The following TCEAL7 variants were observed in gnomAD, a reference collection of about 807,000 sequenced individuals.
TCEAL7 encodes the protein transcription elongation factor A protein-like 7.
For missense variants in TCEAL7, 63 were observed against 77.9 expected (o/e 0.81, Z 0.72); for synonymous variants, 22 against 25.5 (o/e 0.86, Z 0.42).
At chrX:103,330,550 T>C (rs1267263207) in intron 1 of TCEAL7, among the ~76,000 whole-genome samples, 2 of 112,070 alleles carry the variant, frequency 1.8e-5, no homozygotes, top group African/African-American at 6.5e-5. Context: ...GCATGCTTTC[T>C]TTTTATCCTT....
At chrX:103,330,643 G>A (rs1926495048) in intron 1 of TCEAL7, among the ~76,000 whole-genome samples, 1 of 111,070 alleles carries the variant, frequency 9.0e-6, no homozygotes, top group South Asian at 3.9e-4. Context: ...CTGAAATCCC[G>A]GGATGGAGAC....
intron 1 of TCEAL7, among the ~76,000 whole-genome samples, chrX:103,330,719 T>C (rs745965960): frequency 5.8e-4 from 61 of 104,753 alleles, no homozygotes; most frequent in African/African-American, 2.0e-3. Context: ...GGTGGTGGGG[T>C]GGGGCGCGGG....
rs1926536376 is a variant in TCEAL7 at position 103,332,299 on chromosome X, A to C, written c.*593A>C. ...AATTACCTCTGGATCTCTTAGCCAGAGTAATAAACTGGTAATTATTACAGA... is the reference window on the plus strand; with the variant it reads ...AATTACCTCTGGATCTCTTAGCCAGCGTAATAAACTGGTAATTATTACAGA... On this transcript the variant is annotated 3_prime_UTR_variant, in exon 3 of 3. Coordinates refer to ENST00000332431, the MANE Select transcript of TCEAL7 (RefSeq NM_152278.5). 2.4e-5 allele frequency: 3 copies of C among 123,769 alleles called. No homozygotes were observed. The highest frequency in any genetic ancestry group is 5.6e-5 in the Non-Finnish European group (3 of 53,406). The allele number at this position is 123,769 out of a possible 1,213,427, so 10.2% of individuals were successfully genotyped here. A position where few individuals can be genotyped will look rare whatever the true frequency, so the allele number is the denominator to read the frequency against.
chrX:103,331,876 C>A lies in TCEAL7; in HGVS notation c.*170C>A. ...TCTCATCTTTTGACCCAATCTTATTCATTTAATAAGAGGTCTCATTCATTT... is the reference window on the plus strand; with the variant it reads ...TCTCATCTTTTGACCCAATCTTATTAATTTAATAAGAGGTCTCATTCATTT... On this transcript the variant is annotated 3_prime_UTR_variant, in exon 3 of 3. Transcript: ENST00000332431. 2 of 439,175 alleles carry A rather than the reference C, an allele frequency of 4.6e-6. No individual in the cohort carries two copies. The highest frequency in any genetic ancestry group is 7.8e-6 in the Non-Finnish European group (2 of 254,803). 36.2% of individuals were successfully genotyped at this position (439,175 alleles called of 1,213,427 possible). A position where few individuals can be genotyped will look rare whatever the true frequency, so the allele number is the denominator to read the frequency against.
rs1926524580 is a variant in TCEAL7 at position 103,331,846 on chromosome X, C to T, written c.*140C>T. The T allele has an allele frequency of 2.1e-6, 1 of 483,567 alleles. No individual in the cohort carries two copies. The allele number at this position is 483,567 out of a possible 1,213,427, so 39.9% of individuals were successfully genotyped here. A position where few individuals can be genotyped will look rare whatever the true frequency, so the allele number is the denominator to read the frequency against. On this transcript the variant is annotated 3_prime_UTR_variant, in exon 3 of 3. Coordinates refer to ENST00000332431, the MANE Select transcript of TCEAL7 (RefSeq NM_152278.5). ...GCTGAGATTTACATATGACTCTTGT[C>T]AACATCTCATCTTTTGACCCAATCT...
intron 1 of TCEAL7, among the ~76,000 whole-genome samples, chrX:103,330,620 G>A (rs1281320447): frequency 9.0e-6 from 1 of 111,357 alleles, no homozygotes; most frequent in African/African-American, 3.3e-5. Flanking sequence ...ATGTGTTGGT[G>A]TGTGGAGAAA....
Position 103,331,820 on chromosome X carries a change from T to C in TCEAL7, c.*114T>C. 2 of 593,124 alleles carry C rather than the reference T, an allele frequency of 3.4e-6. No individual in the cohort carries two copies. Among genetic ancestry groups the C allele is most frequent in the Non-Finnish European group, 5.3e-6 (2 of 380,623 alleles). The allele number at this position is 593,124 out of a possible 1,213,427, so 48.9% of individuals were successfully genotyped here. A position where few individuals can be genotyped will look rare whatever the true frequency, so the allele number is the denominator to read the frequency against. On this transcript the variant is annotated 3_prime_UTR_variant, in exon 3 of 3. Coordinates refer to ENST00000332431, the MANE Select transcript of TCEAL7 (RefSeq NM_152278.5). ...TCGTTTTACTCCAGTCATTCGATGT[T>C]GCTGAGATTTACATATGACTCTTGT...
intron 1 of TCEAL7, among the ~76,000 whole-genome samples, chrX:103,330,604 TG>T (rs778777228): frequency 2.2e-4 from 25 of 111,417 alleles, no homozygotes; most frequent in Non-Finnish European, 4.5e-4. Flanking sequence ...ATTTTAGGCC[TG>T]GGGTATGTGT....
In TCEAL7 at chrX:103,331,420, A is replaced by G. The variant is rs1178487267; in HGVS notation, c.17A>G (p.Lys6Arg). ...AACAACATCATGCAAAAACCCTGCA[A>G]AGAAAACGAAGGAAAGCCAAAGTGC... MQKPC[K>R]ENEGKPKCSV... The change falls in exon 3 of 3, where the codon AAA (lysine) becomes AGA (arginine). Residue 6 changes from lysine (K) to arginine (R), a missense_variant. Coordinates refer to ENST00000332431, the MANE Select transcript of TCEAL7 (RefSeq NM_152278.5). 3 of 1,180,744 alleles carry G rather than the reference A, an allele frequency of 2.5e-6. No individual in the cohort carries two copies. The highest frequency in any genetic ancestry group is 5.0e-5 in the Admixed American group (2 of 39,691).
At position 103,331,797 on chromosome X, in the gene TCEAL7, G is replaced by A. The variant is rs1427708473; in HGVS notation, c.*91G>A. Reference sequence around the variant, plus strand: ...ACTTTCTTGATAAATATTTGCTATCGTTTTACTCCAGTCATTCGATGTTGC... The same window carrying A: ...ACTTTCTTGATAAATATTTGCTATCATTTTACTCCAGTCATTCGATGTTGC... On this transcript the variant is annotated 3_prime_UTR_variant, in exon 3 of 3. Coordinates refer to ENST00000332431, the MANE Select transcript of TCEAL7 (RefSeq NM_152278.5). 4.2e-6 allele frequency: 3 copies of A among 721,251 alleles called. No homozygotes were observed. Among genetic ancestry groups the A allele is most frequent in the Non-Finnish European group, 6.1e-6 (3 of 493,548 alleles). The allele number at this position is 721,251 out of a possible 1,213,427, so 59.4% of individuals were successfully genotyped here. A position where few individuals can be genotyped will look rare whatever the true frequency, so the allele number is the denominator to read the frequency against.
chrX:103,331,061 TAGAC>T (rs2147694618), intron 2 of TCEAL7, 21 bp downstream of exon 2: 1 of 193,668 alleles, frequency 5.2e-6, no homozygotes, highest in South Asian at 1.2e-4. Flanking sequence ...GAGAGGCACT[TAGAC>T]TGAGATCTCT....
Position 103,331,378 on chromosome X carries a change from G to A in TCEAL7, c.-26G>A. On this transcript the variant is annotated splice_region_variant and 5_prime_UTR_variant, in exon 3 of 3. Coordinates refer to ENST00000332431, the MANE Select transcript of TCEAL7 (RefSeq NM_152278.5). The stretch of plus-strand genomic sequence containing the variant: ...TTTGTCTTTACATTTTCTCCCTAGA[G>A]TTAAGCAGGAAACAACAACAACATC... 1 of 1,140,754 alleles carries A rather than the reference G, an allele frequency of 8.8e-7. No homozygotes were observed. Among genetic ancestry groups the A allele is most frequent in the South Asian group, 2.0e-5 (1 of 49,208 alleles). 94.0% of individuals were successfully genotyped at this position (1,140,754 alleles called of 1,213,427 possible).
chrX:103,331,390 A>C lies in TCEAL7; in HGVS notation c.-14A>C. 8.7e-7 allele frequency: 1 copy of C among 1,152,851 alleles called. No homozygotes were observed. On this transcript the variant is annotated 5_prime_UTR_variant, in exon 3 of 3. Transcript: ENST00000332431. ...TTTTCTCCCTAGAGTTAAGCAGGAAACAACAACAACATCATGCAAAAACCC... is the reference window on the plus strand; with the variant it reads ...TTTTCTCCCTAGAGTTAAGCAGGAACCAACAACAACATCATGCAAAAACCC...
Position 103,331,965 on chromosome X carries a change from A to C in TCEAL7, c.*259A>C. ...TAACGAGTTGCAAAACAGTGTATAC[A>C]TATATGTGTGTATATATGTACACTT... On this transcript the variant is annotated 3_prime_UTR_variant, in exon 3 of 3. Coordinates refer to ENST00000332431, the MANE Select transcript of TCEAL7 (RefSeq NM_152278.5). 1 of 318,862 alleles carries C rather than the reference A, an allele frequency of 3.1e-6. No individual in the cohort carries two copies. Among genetic ancestry groups the C allele is most frequent in the Non-Finnish European group, 5.6e-6 (1 of 178,647 alleles). 26.3% of individuals were successfully genotyped at this position (318,862 alleles called of 1,213,427 possible).
intron 2 of TCEAL7, 47 bp from the exon 3 acceptor site, chrX:103,331,330 G>C: frequency 2.9e-6 from 3 of 1,020,274 alleles, no homozygotes; most frequent in Non-Finnish European, 3.9e-6. Flanking sequence ...ACTGACAATC[G>C]TGATTCAAAA....
intron 1 of TCEAL7, 126 bp downstream of exon 1, chrX:103,330,430 G>A: frequency 9.0e-6 from 1 of 111,425 alleles, no homozygotes; most frequent in East Asian, 2.8e-4. Context: ...CAAAATCGTC[G>A]GAGATAATTG....
At position 103,331,464 on chromosome X, in the gene TCEAL7, G is replaced by GA. The variant is rs1256642669; in HGVS notation, c.66dup (p.Arg23ThrfsTer7). ...AAAGTGCAGCGTGCCAAAGAGGGAG[G>GA]AAAAACGCCCGTATGGAGAATTTGA... is the stretch of plus-strand genomic sequence containing the variant. On this transcript the variant is annotated frameshift_variant, in exon 3 of 3. Transcript: ENST00000332431. LOFTEE classifies it low-confidence loss of function (END_TRUNC). 1 of 1,195,530 alleles carries GA rather than the reference G, an allele frequency of 8.4e-7. No homozygotes were observed. The highest frequency in any genetic ancestry group is 1.1e-6 in the Non-Finnish European group (1 of 885,726).
Position 103,331,870 on chromosome X carries a change from C to A in TCEAL7, c.*164C>A. The stretch of plus-strand genomic sequence containing the variant: ...TCAACATCTCATCTTTTGACCCAAT[C>A]TTATTCATTTAATAAGAGGTCTCAT... On this transcript the variant is annotated 3_prime_UTR_variant, in exon 3 of 3. Transcript: ENST00000332431. The A allele has an allele frequency of 2.2e-6, 1 of 444,937 alleles. No individual in the cohort carries two copies. The highest frequency in any genetic ancestry group is 4.7e-5 in the South Asian group (1 of 21,346). The allele number at this position is 444,937 out of a possible 1,213,427, so 36.7% of individuals were successfully genotyped here.
intron 1 of TCEAL7, 72 bp downstream of exon 1, chrX:103,330,376 C>T (rs1926490151): frequency 9.0e-6 from 1 of 111,306 alleles, no homozygotes; most frequent in African/African-American, 3.3e-5. Flanking sequence ...GTGGGTGAAT[C>T]TAATGACTGG....
Sources: gnomAD v4.1 joint callset for allele counts (sites outside exome capture counted in the v4.1 genomes callset) on GRCh38, gnomAD v4.1.1 for gene constraint, MANE v1.5 for transcripts, NCBI Gene and HGNC (gene_info 2026-07-23, HGNC 2026-07-21) for gene names.